SLC16A12: variants seen among roughly 807,000 people sequenced by gnomAD.
SLC16A12 encodes the protein solute carrier family 16 member 12.
SLC16A12 carries 17 observed loss-of-function variants against 42.4 expected under a neutral mutation model. The ratio of observed to expected loss-of-function variants is 0.40; its 90% CI spans 0.27 to 0.60. SLC16A12 has a LOEUF of 0.60. Ranked by LOEUF, SLC16A12 falls within the 20% of genes least tolerant of loss-of-function variation. SLC16A12 has a pLI of 0.42. For synonymous variants in SLC16A12, 224 were observed against 229.4 expected (o/e 0.98, Z 0.21); for missense variants, 544 against 623.0 (o/e 0.87, Z 1.35).
At chr10:89,476,955 A>T (rs1842590215) in intron 2 of SLC16A12, among the ~76,000 whole-genome samples, 1 of 152,124 alleles carries the variant, frequency 6.6e-6, no homozygotes, top group Non-Finnish European at 1.5e-5. Flanking sequence ...TGTTCTGTAG[A>T]CTCTGCTCAC....
At chr10:89,482,953 T>C (rs1266652424) in intron 2 of SLC16A12, among the ~76,000 whole-genome samples, 1 of 152,180 alleles carries the variant, frequency 6.6e-6, no homozygotes, top group Non-Finnish European at 1.5e-5. Context: ...GAATCTGTAT[T>C]AGTCTACTCC....
chr10:89,541,575 A>G (rs147314125), intron 2 of SLC16A12, among the ~76,000 whole-genome samples: 269 of 152,346 alleles, frequency 1.8e-3, no homozygotes, highest in Middle Eastern at 3.4e-3. Flanking sequence ...CGACAGAACT[A>G]GACCCAGTCT....
chr10:89,513,077 C>T (rs1843190041), intron 2 of SLC16A12, among the ~76,000 whole-genome samples: 1 of 152,112 alleles, frequency 6.6e-6, no homozygotes, highest in African/African-American at 2.4e-5. Context: ...GACAGGAAAA[C>T]AGTTTGTTTT....
chr10:89,510,495 T>C (rs1299549670), intron 2 of SLC16A12, among the ~76,000 whole-genome samples: 1 of 152,232 alleles, frequency 6.6e-6, no homozygotes, highest in Non-Finnish European at 1.5e-5. Flanking sequence ...AAGGATTCCC[T>C]ATTTAAATGG....
intron 2 of SLC16A12, among the ~76,000 whole-genome samples, chr10:89,530,700 T>A (rs1843536965): frequency 6.6e-6 from 1 of 152,120 alleles, no homozygotes; most frequent in Admixed American, 6.5e-5. Flanking sequence ...ATTACAGGTG[T>A]GAGCCACGGC....
intron 2 of SLC16A12, among the ~76,000 whole-genome samples, chr10:89,541,900 T>C (rs1843717980): frequency 6.6e-6 from 1 of 152,358 alleles, no homozygotes; most frequent in African/African-American, 2.4e-5. Context: ...ATTTTGTGTC[T>C]CCAAATTAAG....
chr10:89,509,000 A>G (rs1346161927), intron 2 of SLC16A12, among the ~76,000 whole-genome samples: 11 of 152,214 alleles, frequency 7.2e-5, no homozygotes, highest in Non-Finnish European at 1.2e-4. Flanking sequence ...TCTAGAAGAA[A>G]TGGACAAATT....
intron 7 of SLC16A12, among the ~76,000 whole-genome samples, chr10:89,435,676 A>G (rs942400162): frequency 6.6e-6 from 1 of 152,166 alleles, no homozygotes; most frequent in Admixed American, 6.5e-5. Flanking sequence ...ACTGGCGTTT[A>G]TAATTTCAGC....
chr10:89,465,366 T>C (rs1334701030), intron 2 of SLC16A12, among the ~76,000 whole-genome samples: 2 of 152,190 alleles, frequency 1.3e-5, no homozygotes, highest in African/African-American at 2.4e-5. Flanking sequence ...AGTAGGATGA[T>C]GTGAATTGCA....
intron 2 of SLC16A12, 39 bp downstream of exon 2, chr10:89,534,461 CA>C (rs1279256035): frequency 1.3e-5 from 2 of 152,016 alleles, no homozygotes; most frequent in Non-Finnish European, 2.9e-5. Context: ...AGAGGCTCTT[CA>C]AAAGGAGAGT....
chr10:89,542,775 G>A (rs539302512), intron 2 of SLC16A12, among the ~76,000 whole-genome samples: 1 of 152,176 alleles, frequency 6.6e-6, no homozygotes, highest in South Asian at 2.1e-4. Flanking sequence ...CTTTCTACTG[G>A]AAACTCTGGC....
chr10:89,469,476 T>A (rs1263132119), intron 2 of SLC16A12, among the ~76,000 whole-genome samples: 1 of 152,240 alleles, frequency 6.6e-6, no homozygotes, highest in Non-Finnish European at 1.5e-5. Context: ...ATTTCTTTTA[T>A]CACTAGAACA....
At chr10:89,454,220 C>G (rs536056487) in intron 3 of SLC16A12, among the ~76,000 whole-genome samples, 115 of 152,232 alleles carry the variant, frequency 7.6e-4, no homozygotes, top group African/African-American at 2.7e-3. Flanking sequence ...GTTACCCAGG[C>G]TGGTCTCCAA....
chr10:89,530,954 CATA>C (rs1315570577), intron 2 of SLC16A12, among the ~76,000 whole-genome samples: 2 of 152,150 alleles, frequency 1.3e-5, no homozygotes, highest in African/African-American at 4.8e-5. Context: ...TTTCACTTAG[CATA>C]ATGTTTTCAA....
intron 5 of SLC16A12, among the ~76,000 whole-genome samples, chr10:89,440,073 CAAAAA>C (rs10674171): frequency 6.4e-5 from 2 of 31,452 alleles, no homozygotes; most frequent in East Asian, 2.7e-3. Flanking sequence ...GACCCTGTCT[CAAAAA>C]AAAAAAAAAA....
Position 89,439,046 on chromosome 10 carries a change from G to A in SLC16A12, c.586C>T (p.Leu196Phe). The A allele has an allele frequency of 6.2e-7, 1 of 1,613,896 alleles. No homozygotes were observed. The highest frequency in any genetic ancestry group is 1.1e-5 in the South Asian group (1 of 91,042). Residue 196 changes from leucine (L) to phenylalanine (F), a missense_variant, in exon 6 of 8, where the codon CTC becomes TTC. Coordinates refer to ENST00000371790, the MANE Select transcript of SLC16A12 (RefSeq NM_213606.4). ...GTFILAPVVQ[L>F]LIEQFSWRGA... is the part of the protein sequence containing the mutation. ...CGCCAGGAAAACTGTTCAATAAGGAGCTGAACCACAGGAGCCAGGATGAAG... is the reference window on the plus strand; with the variant it reads ...CGCCAGGAAAACTGTTCAATAAGGAACTGAACCACAGGAGCCAGGATGAAG...
At chr10:89,477,770 T>A (rs899202385) in intron 2 of SLC16A12, among the ~76,000 whole-genome samples, 2 of 152,146 alleles carry the variant, frequency 1.3e-5, no homozygotes, top group Non-Finnish European at 2.9e-5. Context: ...TGTAAGATAT[T>A]CTGTCCACCA....
At chr10:89,436,467 CT>C (rs1564823751) in intron 6 of SLC16A12, 148 bp from the exon 7 acceptor site, 2 of 971,870 alleles carry the variant, frequency 2.1e-6, no homozygotes, top group African/African-American at 3.3e-5. Flanking sequence ...TCCTATCTTT[CT>C]TTTTTGCAAA....
At chr10:89,503,996 C>A (rs1843024454) in intron 2 of SLC16A12, among the ~76,000 whole-genome samples, 1 of 152,212 alleles carries the variant, frequency 6.6e-6, no homozygotes, top group African/African-American at 2.4e-5. Context: ...ACAGCAATGT[C>A]TTGTTCAGTT....
Sources: gnomAD v4.1 joint callset for allele counts (sites outside exome capture counted in the v4.1 genomes callset) on GRCh38, gnomAD v4.1.1 for gene constraint, MANE v1.5 for transcripts, NCBI Gene and HGNC (gene_info 2026-07-23, HGNC 2026-07-21) for gene names.